ANO2: variants seen among roughly 807,000 people sequenced by gnomAD.
ANO2 encodes anoctamin 2.
In ANO2, 101 loss-of-function variants were observed where a neutral mutation model predicts 124.2. The ratio of observed to expected loss-of-function variants is 0.81; its 90% CI spans 0.69 to 0.96. ANO2 has a LOEUF of 0.96. ANO2 is among the 40% of genes least tolerant of loss of function. The pLI, the probability that ANO2 is intolerant of heterozygous loss-of-function variation, is 0.00. For missense variants in ANO2, 1,293 were observed against 1,274.5 expected, an observed-to-expected ratio of 1.01 and a Z score of -0.22; for synonymous variants, 486 against 482.5, an observed-to-expected ratio of 1.01 and a Z score of -0.09.
chr12:5,575,210 CT>C (rs1252993508), intron 23 of ANO2, among the ~76,000 whole-genome samples: 3 of 152,214 alleles, frequency 2.0e-5, no homozygotes, highest in Non-Finnish European at 1.5e-5. Context: ...ACCAAATAAC[CT>C]GCTATTTCCT....
chr12:5,900,222 G>A lies in ANO2; in HGVS notation c.534+20818C>T, dbSNP rs1940090914. ...ACCAAGAGCCCTGAGAGGATGGAGA[G>A]GCACCACTATGCCCAGCTTCATCTT... On this transcript the variant is annotated intron_variant, in intron 3 of 24. Coordinates refer to ENST00000682330, the MANE Select transcript of ANO2 (RefSeq NM_001364791.2). The surrounding 1 kb of genome is among the most constrained non-coding windows in gnomAD (Gnocchi z 4.2). 6.6e-6 allele frequency among the ~76,000 whole-genome samples: 1 copy of A among 152,144 alleles called. No individual in the cohort carries two copies. The highest frequency in any genetic ancestry group is 2.4e-5 in the African/African-American group (1 of 41,426).
At chr12:5,689,745 C>G (rs1170693624) in intron 14 of ANO2, among the ~76,000 whole-genome samples, 1 of 152,174 alleles carries the variant, frequency 6.6e-6, no homozygotes, top group African/African-American at 2.4e-5. Flanking sequence ...GACATCTGCC[C>G]TCCCACAGTC....
At chr12:5,732,848 T>TCA (rs758952276) in intron 13 of ANO2, 2 of 1,613,778 alleles carry the variant, frequency 1.2e-6, no homozygotes, top group African/African-American at 2.7e-5. Context: ...ACACTCGTTA[T>TCA]CACACTGAAA....
intron 14 of ANO2, among the ~76,000 whole-genome samples, chr12:5,682,337 T>TTCTCTC (rs3067753): frequency 4.7e-5 from 7 of 149,980 alleles, no homozygotes; most frequent in African/African-American, 7.4e-5. Flanking sequence ...CTCTTTCTCT[T>TTCTCTC]TCTCTCTCTC....
In ANO2 at chr12:5,676,188, C is replaced by A. The variant is rs4575362; in HGVS notation, c.1546-28387G>T. 3.1e-3 allele frequency among the ~76,000 whole-genome samples: 477 copies of A among 152,312 alleles called. 7 individuals carry two copies. Among genetic ancestry groups the A allele is most frequent in the African/African-American group, 0.01 (434 of 41,572 alleles). On this transcript the variant is annotated intron_variant, in intron 14 of 24. Coordinates refer to ENST00000682330, the MANE Select transcript of ANO2 (RefSeq NM_001364791.2). ...CCTGGAGGGGAAGATGTTCTCTGGG[C>A]ACCCAGATACCAAAGCAAGAAATAT...
At chr12:5,645,133 A>G (rs1946565094) in intron 15 of ANO2, among the ~76,000 whole-genome samples, 1 of 151,754 alleles carries the variant, frequency 6.6e-6, no homozygotes, top group Non-Finnish European at 1.5e-5. Flanking sequence ...CAGTCCTTAT[A>G]TCTCCCTCAT....
chr12:5,741,824 A>C (rs1951105965), intron 12 of ANO2, among the ~76,000 whole-genome samples: 1 of 152,178 alleles, frequency 6.6e-6, no homozygotes. Flanking sequence ...TAATCTGCCC[A>C]AGGTAACAGG....
At chr12:5,649,178 G>A (rs913455330) in intron 14 of ANO2, among the ~76,000 whole-genome samples, 2 of 152,146 alleles carry the variant, frequency 1.3e-5, no homozygotes, top group Admixed American at 6.5e-5. Flanking sequence ...TCTTGGGAGC[G>A]AGCCTGAAGG....
intron 3 of ANO2, among the ~76,000 whole-genome samples, chr12:5,901,576 G>C (rs1253557720): frequency 6.6e-6 from 1 of 152,210 alleles, no homozygotes; most frequent in Non-Finnish European, 1.5e-5. Flanking sequence ...GCATGGATGA[G>C]GTGACCTTCA....
chr12:5,852,014 A>G, intron 4 of ANO2: 1 of 717,968 alleles, frequency 1.4e-6, no homozygotes, highest in Non-Finnish European at 2.6e-6. Context: ...CACAAATAGA[A>G]TGAGGTTAAG....
intron 10 of ANO2, among the ~76,000 whole-genome samples, chr12:5,767,647 G>T (rs1384528733): frequency 6.6e-6 from 1 of 152,204 alleles, no homozygotes; most frequent in Non-Finnish European, 1.5e-5. Flanking sequence ...TGAAACAGTT[G>T]ATGGTATCTC....
In ANO2 at chr12:5,787,213, C is replaced by A. The variant is rs1278034347; in HGVS notation, c.1055+12294G>T. On this transcript the variant is annotated intron_variant, in intron 10 of 24. Transcript: ENST00000682330. This position sits in a 1 kb window ranked among gnomAD's most constrained non-coding sequence, Gnocchi z 4.2. Reference sequence around the variant, plus strand: ...CACAATCCCAGTTCCTTTCCAGTGCCCCAGCCAGAAGAACCCCTGATCCTT... The same window carrying A: ...CACAATCCCAGTTCCTTTCCAGTGCACCAGCCAGAAGAACCCCTGATCCTT... Among the ~76,000 whole-genome samples the A allele has an allele frequency of 2.0e-5, 3 of 152,166 alleles. No homozygotes were observed. The highest frequency in any genetic ancestry group is 7.2e-5 in the African/African-American group (3 of 41,436).
intron 9 of ANO2, among the ~76,000 whole-genome samples, chr12:5,803,287 C>T (rs1161754308): frequency 6.6e-6 from 1 of 152,194 alleles, no homozygotes; most frequent in Non-Finnish European, 1.5e-5. Flanking sequence ...ACATGAAAGT[C>T]GTGCAGCACG....
intron 20 of ANO2, among the ~76,000 whole-genome samples, chr12:5,581,475 C>T (rs1404925203): frequency 2.6e-5 from 4 of 152,108 alleles, no homozygotes; most frequent in African/African-American, 7.2e-5. Context: ...TGGGACTCTC[C>T]ACTTCCTCTT....
chr12:5,920,204 C>G (rs2136301544), intron 3 of ANO2, among the ~76,000 whole-genome samples: 1 of 152,088 alleles, frequency 6.6e-6, no homozygotes, highest in Middle Eastern at 3.4e-3. Context: ...GTATCTATAG[C>G]TTATAGGTTG....
chr12:5,793,928 G>A (rs571262530), intron 10 of ANO2, among the ~76,000 whole-genome samples: 3 of 152,334 alleles, frequency 2.0e-5, no homozygotes, highest in South Asian at 4.1e-4. Context: ...ACTCCATGGA[G>A]GAAATGAGAG....
At chr12:5,847,445 CTG>C (rs35366359) in intron 4 of ANO2, among the ~76,000 whole-genome samples, 27,491 of 144,658 alleles carry the variant, frequency 0.19, 2,591 homozygotes, top group African/African-American at 0.21. Context: ...CATAACACCT[CTG>C]TGTGTGTGTG....
At position 5,635,128 on chromosome 12, in the gene ANO2, C is replaced by A. The variant is rs560980283; in HGVS notation, c.1816+24G>T. ...TTGACTTAAAGAGGGCCTAGGACAG[C>A]CAGAAGTCTCGGTGACACAGTACCA... is the stretch of plus-strand genomic sequence containing the variant. On this transcript the variant is annotated intron_variant, in intron 16 of 24. Coordinates refer to ENST00000682330, the MANE Select transcript of ANO2 (RefSeq NM_001364791.2). The surrounding 1 kb of genome is among the most constrained non-coding windows in gnomAD (Gnocchi z 5.2). 1.3e-5 allele frequency: 20 copies of A among 1,541,230 alleles called. 1 individual carries two copies. The African/African-American group carries it at 2.2e-4, about 17-fold the overall frequency.
chr12:5,937,633 A>AG (rs1395349142), intron 1 of ANO2, among the ~76,000 whole-genome samples: 35 of 151,816 alleles, frequency 2.3e-4, no homozygotes, highest in African/African-American at 8.2e-4. Flanking sequence ...CTTCCTATCG[A>AG]GGGGGTTGGA....
Sources: gnomAD v4.1 joint callset for allele counts (sites outside exome capture counted in the v4.1 genomes callset) on GRCh38, gnomAD v4.1.1 for gene constraint, Gnocchi (gnomAD v3.1) non-coding constraint, MANE v1.5 for transcripts, NCBI Gene and HGNC (gene_info 2026-07-23, HGNC 2026-07-21) for gene names.